The following NPAS3 variants were observed in gnomAD, a reference collection of about 807,000 sequenced individuals.
NPAS3 encodes neuronal PAS domain protein 3.
A neutral mutation model predicts 73.1 loss-of-function variants in NPAS3; 14 were observed. That is an observed-to-expected ratio of 0.19 (90% CI 0.13 to 0.30). The LOEUF is 0.30. Among genes scored for constraint, NPAS3 ranks in the 10% least tolerant of loss-of-function variants. NPAS3 has a pLI of 1.00. For missense variants in NPAS3, 1,096 were observed against 1,250.0 expected, an observed-to-expected ratio of 0.88 and a Z score of 1.86; for synonymous variants, 620 against 541.5, an observed-to-expected ratio of 1.14 and a Z score of -2.01.
chr14:33,369,007 A>G (rs766770037), intron 4 of NPAS3, among the ~76,000 whole-genome samples: 11 of 152,182 alleles, frequency 7.2e-5, no homozygotes, highest in Non-Finnish European at 1.0e-4. Flanking sequence ...CCAAAGGCCT[A>G]TGAGTAAGGT....
intron 2 of NPAS3, among the ~76,000 whole-genome samples, chr14:33,113,046 A>G (rs2042948024): frequency 6.6e-6 from 1 of 152,204 alleles, no homozygotes; most frequent in South Asian, 2.1e-4. Flanking sequence ...TGGTACCAGT[A>G]CCATGCTGTT....
chr14:33,713,053 C>A (rs1189325718), intron 6 of NPAS3, among the ~76,000 whole-genome samples: 1 of 152,116 alleles, frequency 6.6e-6, no homozygotes, highest in African/African-American at 2.4e-5. Flanking sequence ...AATGATCATC[C>A]CTTCTTCTCT....
intron 4 of NPAS3, among the ~76,000 whole-genome samples, chr14:33,460,785 C>G (rs1484286464): frequency 1.3e-5 from 2 of 152,022 alleles, no homozygotes; most frequent in East Asian, 3.9e-4. Context: ...TAAAAATCAG[C>G]AAGGAAAGCA....
intron 2 of NPAS3, among the ~76,000 whole-genome samples, chr14:33,105,637 A>T (rs963636326): frequency 1.3e-5 from 2 of 152,172 alleles, no homozygotes; most frequent in African/African-American, 4.8e-5. Context: ...AAATATGCAG[A>T]TGTGTTACAG....
intron 5 of NPAS3, among the ~76,000 whole-genome samples, chr14:33,645,038 A>G (rs961505775): frequency 2.7e-5 from 4 of 150,894 alleles, no homozygotes; most frequent in Admixed American, 6.7e-5. Context: ...CTGAGATTGC[A>G]CCACCACACT....
intron 6 of NPAS3, among the ~76,000 whole-genome samples, chr14:33,719,741 C>T (rs1595497492): frequency 6.6e-6 from 1 of 152,246 alleles, no homozygotes; most frequent in East Asian, 1.9e-4. Context: ...TAGTCTCAAA[C>T]TCACACTGAG....
At chr14:32,972,147 C>A (rs1241283042) in intron 1 of NPAS3, among the ~76,000 whole-genome samples, 1 of 151,624 alleles carries the variant, frequency 6.6e-6, no homozygotes, top group East Asian at 1.9e-4. Flanking sequence ...ACCATGTTAG[C>A]CAGGATGGGC....
At chr14:33,106,499 T>C (rs985508843) in intron 2 of NPAS3, among the ~76,000 whole-genome samples, 3 of 152,114 alleles carry the variant, frequency 2.0e-5, no homozygotes, top group Non-Finnish European at 4.4e-5. Flanking sequence ...TCAGAATACA[T>C]TGATAAATTA....
intron 2 of NPAS3, among the ~76,000 whole-genome samples, chr14:33,142,191 C>CTTTT (rs10709910): frequency 0.17 from 6,615 of 37,952 alleles, 1,365 homozygotes; most frequent in East Asian, 0.31. Flanking sequence ...TTTGTATAAG[C>CTTTT]TTTTTTTTTT....
intron 2 of NPAS3, among the ~76,000 whole-genome samples, chr14:33,208,670 T>C (rs1327243493): frequency 6.6e-6 from 1 of 152,180 alleles, no homozygotes; most frequent in Non-Finnish European, 1.5e-5. Flanking sequence ...TAATGGTCAT[T>C]TCACATGTTA....
chr14:33,239,482 T>G (rs1041674980), intron 3 of NPAS3, among the ~76,000 whole-genome samples: 1 of 151,880 alleles, frequency 6.6e-6, no homozygotes, highest in Non-Finnish European at 1.5e-5. Context: ...ATTTGACTCA[T>G]TAAGGCAACT....
intron 7 of NPAS3, among the ~76,000 whole-genome samples, chr14:33,745,359 A>G (rs996101508): frequency 6.6e-6 from 1 of 152,264 alleles, no homozygotes; most frequent in Non-Finnish European, 1.5e-5. Flanking sequence ...CTGAAGAGTG[A>G]TAACCAGAGC....
intron 6 of NPAS3, among the ~76,000 whole-genome samples, chr14:33,691,544 G>A (rs1490718905): frequency 6.6e-6 from 1 of 152,176 alleles, no homozygotes; most frequent in Admixed American, 6.5e-5. Context: ...TTGGTGCAAG[G>A]AGAAATGAAG....
intron 3 of NPAS3, among the ~76,000 whole-genome samples, chr14:33,354,489 T>C (rs1324467395): frequency 1.3e-5 from 2 of 152,200 alleles, no homozygotes; most frequent in African/African-American, 2.4e-5. Context: ...AGATTTTCCC[T>C]GAGCTGGGTC....
At chr14:33,029,338 TGAA>T (rs1456577117) in intron 1 of NPAS3, among the ~76,000 whole-genome samples, 12 of 152,064 alleles carry the variant, frequency 7.9e-5, no homozygotes, top group Non-Finnish European at 1.8e-4. Flanking sequence ...GATCAAAAAG[TGAA>T]GAGAATCTTT....
chr14:33,510,001 C>T (rs920341579), intron 4 of NPAS3, among the ~76,000 whole-genome samples: 1 of 151,978 alleles, frequency 6.6e-6, no homozygotes, highest in Non-Finnish European at 1.5e-5. Context: ...TGTGCATGCA[C>T]ACTTTTTGTT....
At chr14:33,116,073 C>G (rs866951791) in intron 2 of NPAS3, among the ~76,000 whole-genome samples, 2 of 152,030 alleles carry the variant, frequency 1.3e-5, no homozygotes, top group African/African-American at 2.4e-5. Context: ...AAAAAAGAGT[C>G]AGCTTTAAAA....
At chr14:33,041,402 C>T (rs556947805) in intron 1 of NPAS3, among the ~76,000 whole-genome samples, 10 of 152,180 alleles carry the variant, frequency 6.6e-5, no homozygotes, top group South Asian at 2.1e-4. Context: ...AGAAATTTTG[C>T]GATGATGACA....
intron 4 of NPAS3, among the ~76,000 whole-genome samples, chr14:33,527,103 T>G (rs1303651964): frequency 1.3e-5 from 2 of 152,156 alleles, no homozygotes; most frequent in African/African-American, 4.8e-5. Flanking sequence ...GGAGGTTGAT[T>G]GGCCACCTCC....
Sources: allele counts gnomAD v4.1 joint callset (sites outside exome capture counted in the v4.1 genomes callset), GRCh38; gene constraint gnomAD v4.1.1; transcripts MANE v1.5; gene names NCBI Gene and HGNC (gene_info 2026-07-23, HGNC 2026-07-21).